Variants in SELENOP observed in about 807,000 individuals in gnomAD.
SELENOP encodes the protein selenoprotein P, plasma, 1.
SELENOP carries 36 observed loss-of-function variants against 41.0 expected under a neutral mutation model. The observed-to-expected ratio is 0.88, with a 90% CI of 0.67 to 1.16. The LOEUF (loss-of-function observed/expected upper bound fraction) is 1.16, where lower values mean the gene tolerates loss of function less well. Ranked by LOEUF, SELENOP falls within the 50% of genes most tolerant of loss-of-function variation. The pLI is 0.00. For synonymous variants in SELENOP, 144 were observed against 150.8 expected (o/e 0.95, Z 0.33); for missense variants, 440 against 454.2 (o/e 0.97, Z 0.28).
chr5:42,799,902 A>G lies in SELENOP; in HGVS notation c.*818T>C, dbSNP rs4987017. ...AAGTCAGCTTTAAGGTTTTTATTGA[A>G]TTTATTTGGACAAATCCGTACTGTA... On this transcript the variant is annotated 3_prime_UTR_variant, in exon 5 of 5. Transcript: ENST00000514985. The G allele has an allele frequency of 6.0e-3, 6,618 of 1,110,286 alleles. 270 individuals are homozygous for G. In the African/African-American group the frequency reaches 0.091, roughly 15 times the overall value. 68.8% of individuals were successfully genotyped at this position (1,110,286 alleles called of 1,614,324 possible). A position where few individuals can be genotyped will look rare whatever the true frequency, so the allele number is the denominator to read the frequency against.
intron 3 of SELENOP, 38 bp downstream of exon 3, chr5:42,806,857 AT>A: frequency 8.3e-7 from 1 of 1,200,826 alleles, no homozygotes. Flanking sequence ...CGAAACAGTT[AT>A]TTTTAAATTT....
rs994474275 is a variant in SELENOP, at chr5:42,800,073, A to C, written c.*647T>G. The C allele has an allele frequency of 1.5e-5, 4 of 265,662 alleles. No individual in the cohort carries two copies. The highest frequency in any genetic ancestry group is 2.3e-5 in the African/African-American group (1 of 44,384). The allele number at this position is 265,662 out of a possible 1,614,324, so 16.5% of individuals were successfully genotyped here. A position where few individuals can be genotyped will look rare whatever the true frequency, so the allele number is the denominator to read the frequency against. On this transcript the variant is annotated 3_prime_UTR_variant, in exon 5 of 5. Transcript: ENST00000514985. The stretch of plus-strand genomic sequence containing the variant: ...GACAGACAATATTATCTTTCCCCTT[A>C]TATCTTTTAAGACAGCCACTCAAGT...
intron 4 of SELENOP, chr5:42,802,395 G>C (rs558060758): frequency 6.6e-6 from 1 of 152,250 alleles, no homozygotes; most frequent in East Asian, 1.9e-4. Context: ...ATGTTTTGAA[G>C]GTTTTAAAAG....
At chr5:42,804,232 C>T (rs1760277417) in intron 4 of SELENOP, among the ~76,000 whole-genome samples, 1 of 152,148 alleles carries the variant, frequency 6.6e-6, no homozygotes, top group Admixed American at 6.5e-5. Context: ...GAGGCCGAGG[C>T]GGGCGTATCA....
intron 4 of SELENOP, among the ~76,000 whole-genome samples, chr5:42,803,098 G>A (rs1760249891): frequency 6.6e-6 from 1 of 151,836 alleles, no homozygotes; most frequent in South Asian, 2.1e-4. Flanking sequence ...ATAATCAGTG[G>A]TATCTAGGAG....
At chr5:42,806,298 G>A (rs755394814) in intron 3 of SELENOP, 2 of 152,200 alleles carry the variant, frequency 1.3e-5, no homozygotes, top group African/African-American at 2.4e-5. Flanking sequence ...GCCTCCAATA[G>A]GTTGTATATA....
At chr5:42,808,689 A>G (rs1271172586) in intron 1 of SELENOP, among the ~76,000 whole-genome samples, 1 of 151,688 alleles carries the variant, frequency 6.6e-6, no homozygotes, top group East Asian at 1.9e-4. Flanking sequence ...CTGGCAGATC[A>G]CGATGTCAGG....
chr5:42,809,772 T>C, intron 1 of SELENOP: 1 of 955,476 alleles, frequency 1.0e-6, no homozygotes, highest in Non-Finnish European at 1.2e-6. Flanking sequence ...ATATATGATA[T>C]CTTGATAAGA....
At chr5:42,805,527 T>C (rs1760313704) in intron 3 of SELENOP, 1 of 152,226 alleles carries the variant, frequency 6.6e-6, no homozygotes, top group South Asian at 2.1e-4. Flanking sequence ...AATGGCATAA[T>C]GCATGAATTG....
At chr5:42,802,432 T>C (rs1437574078) in intron 4 of SELENOP, 1 of 152,242 alleles carries the variant, frequency 6.6e-6, no homozygotes, top group Non-Finnish European at 1.5e-5. Flanking sequence ...AATTTTAGCA[T>C]ACAACTACTA....
At chr5:42,810,317 T>C (rs1158990172) in intron 1 of SELENOP, among the ~76,000 whole-genome samples, 1 of 152,206 alleles carries the variant, frequency 6.6e-6, no homozygotes, top group Admixed American at 6.5e-5. Context: ...ATAAAAATAA[T>C]TCAAGCTGTT....
Position 42,801,233 on chromosome 5 carries a change from G to A in SELENOP, c.633C>T (p.His211=). The A allele has an allele frequency of 6.2e-7, 1 of 1,614,080 alleles. No individual in the cohort carries two copies. Among genetic ancestry groups the A allele is most frequent in the Non-Finnish European group, 8.5e-7 (1 of 1,179,988 alleles). Residue 211 remains histidine, a synonymous_variant, in exon 5 of 5, where the codon CAC becomes CAT. Transcript: ENST00000514985. ...TGCCAAGGTGCTGATGTCCATGATT[G>A]TGATGATGCTCATGATGGTAATGAG... The part of the protein sequence containing the change: ...PSPHYHHEHH[H]NHGHQHLGSS...
In SELENOP at chr5:42,799,996, T is replaced by C; in HGVS notation, c.*724A>G. 1 of 512,994 alleles carries C rather than the reference T, an allele frequency of 1.9e-6. No homozygotes were observed. The allele number at this position is 512,994 out of a possible 1,614,324, so 31.8% of individuals were successfully genotyped here. A position where few individuals can be genotyped will look rare whatever the true frequency, so the allele number is the denominator to read the frequency against. On this transcript the variant is annotated 3_prime_UTR_variant, in exon 5 of 5. Coordinates refer to ENST00000514985, the MANE Select transcript of SELENOP (RefSeq NM_005410.4). The stretch of plus-strand genomic sequence containing the variant: ...AGGAGGTCAGGTTTATAGGGTTTGG[T>C]TTACCTATTAAACCATCATTGACTA...
chr5:42,810,395 T>C (rs1760433288), intron 1 of SELENOP, among the ~76,000 whole-genome samples: 2 of 152,214 alleles, frequency 1.3e-5, no homozygotes, highest in South Asian at 2.1e-4. Context: ...TTACAGAACC[T>C]TGGCAAAAAA....
chr5:42,800,499 A>G lies in SELENOP; in HGVS notation c.*221T>C. On this transcript the variant is annotated 3_prime_UTR_variant, in exon 5 of 5. Coordinates refer to ENST00000514985, the MANE Select transcript of SELENOP (RefSeq NM_005410.4). ...AAGAAAAAAAAAGACATATTAACCAAAAGCTGCAATCACCTTTCAGTTGCT... is the reference window on the plus strand; with the variant it reads ...AAGAAAAAAAAAGACATATTAACCAGAAGCTGCAATCACCTTTCAGTTGCT... 2.0e-6 allele frequency: 1 copy of G among 501,376 alleles called. No individual in the cohort carries two copies. The highest frequency in any genetic ancestry group is 3.4e-6 in the Non-Finnish European group (1 of 295,282). 31.1% of individuals were successfully genotyped at this position (501,376 alleles called of 1,614,324 possible). A position where few individuals can be genotyped will look rare whatever the true frequency, so the allele number is the denominator to read the frequency against.
At chr5:42,802,422 A>C (rs1760228215) in intron 4 of SELENOP, 1 of 152,198 alleles carries the variant, frequency 6.6e-6, no homozygotes, top group African/African-American at 2.4e-5. Context: ...AATTCCATTA[A>C]ATTTTAGCAT....
At chr5:42,804,096 G>A (rs556945738) in intron 4 of SELENOP, among the ~76,000 whole-genome samples, 8 of 152,270 alleles carry the variant, frequency 5.3e-5, no homozygotes, top group East Asian at 1.9e-4. Context: ...ACTGAAATAC[G>A]ATACATTGAT....
chr5:42,807,316 T>C (rs1219331089), intron 2 of SELENOP: 2 of 367,158 alleles, frequency 5.4e-6, no homozygotes, highest in African/African-American at 4.0e-5. Flanking sequence ...TAAAACCTTA[T>C]GCTTAAACAA....
chr5:42,804,871 T>A, intron 3 of SELENOP, 98 bp from the exon 4 acceptor site: 1 of 733,010 alleles, frequency 1.4e-6, no homozygotes, highest in Non-Finnish European at 2.2e-6. Flanking sequence ...TTAATGGTCA[T>A]AACTAAGACC....
Sources: gnomAD v4.1 joint callset for allele counts (sites outside exome capture counted in the v4.1 genomes callset) on GRCh38, gnomAD v4.1.1 for gene constraint, MANE v1.5 for transcripts, NCBI Gene and HGNC (gene_info 2026-07-23, HGNC 2026-07-21) for gene names.